The following CACNA2D3 variants were observed in gnomAD, a reference collection of about 807,000 sequenced individuals.
CACNA2D3 encodes calcium voltage-gated channel auxiliary subunit alpha2delta 3.
In CACNA2D3, 60 loss-of-function variants were observed where a neutral mutation model predicts 160.6. The ratio of observed to expected loss-of-function variants is 0.37; its 90% CI spans 0.30 to 0.46. CACNA2D3 has a LOEUF of 0.46. Ranked by LOEUF, CACNA2D3 falls within the 20% of genes least tolerant of loss-of-function variation. The pLI, the probability that CACNA2D3 is intolerant of heterozygous loss-of-function variation, is 1.00. For missense variants in CACNA2D3, 1,205 were observed against 1,365.0 expected, an observed-to-expected ratio of 0.88 and a Z score of 1.85; for synonymous variants, 558 against 492.9, an observed-to-expected ratio of 1.13 and a Z score of -1.75.
At chr3:54,377,887 A>G (rs370429668) in intron 3 of CACNA2D3, among the ~76,000 whole-genome samples, 1 of 152,220 alleles carries the variant, frequency 6.6e-6, no homozygotes, top group Non-Finnish European at 1.5e-5. Context: ...ACAACCAGGA[A>G]TGGAAACTCT....
chr3:54,724,565 A>G (rs918035257), intron 11 of CACNA2D3, among the ~76,000 whole-genome samples: 1 of 152,192 alleles, frequency 6.6e-6, no homozygotes, highest in Non-Finnish European at 1.5e-5. Context: ...AATAACAAAC[A>G]GTCTCTCAGA....
chr3:54,993,229 G>A (rs1040941105), intron 31 of CACNA2D3, among the ~76,000 whole-genome samples: 3 of 152,228 alleles, frequency 2.0e-5, no homozygotes, highest in South Asian at 2.1e-4. Context: ...ACTGATGCTA[G>A]GGCAAAACAC....
chr3:54,963,587 A>G (rs1165866699), intron 27 of CACNA2D3, among the ~76,000 whole-genome samples: 1 of 152,224 alleles, frequency 6.6e-6, no homozygotes, highest in Non-Finnish European at 1.5e-5. Flanking sequence ...GGATCAGAGC[A>G]TTCAAGGTCA....
chr3:54,740,402 C>T (rs975964902), intron 11 of CACNA2D3, among the ~76,000 whole-genome samples: 1 of 152,138 alleles, frequency 6.6e-6, no homozygotes, highest in Non-Finnish European at 1.5e-5. Context: ...GGCTACTGCT[C>T]ACTGAAGTCC....
At chr3:54,400,144 C>T (rs567040453) in intron 4 of CACNA2D3, among the ~76,000 whole-genome samples, 12 of 145,886 alleles carry the variant, frequency 8.2e-5, no homozygotes, top group African/African-American at 1.5e-4. Context: ...GGCAATGCCT[C>T]GCCCTGCTTC....
chr3:54,712,867 C>T (rs1447212953), intron 11 of CACNA2D3, among the ~76,000 whole-genome samples: 2 of 152,194 alleles, frequency 1.3e-5, no homozygotes, highest in African/African-American at 4.8e-5. Context: ...TGCATTGGTC[C>T]CATGGGATAA....
chr3:54,784,751 C>T (rs543716700), intron 13 of CACNA2D3, among the ~76,000 whole-genome samples: 2 of 152,262 alleles, frequency 1.3e-5, no homozygotes, highest in Admixed American at 1.3e-4. Context: ...GAAGAGGGAG[C>T]AGCAGACTTC....
chr3:54,579,858 A>G lies in CACNA2D3; in HGVS notation c.889-1945A>G, dbSNP rs192842186. Reference sequence around the variant, plus strand: ...TTTGTCAGTGGCTAATGTCATAAATATATTTTTTCTCCATGCCTTGTTAGA... The same window carrying G: ...TTTGTCAGTGGCTAATGTCATAAATGTATTTTTTCTCCATGCCTTGTTAGA... On this transcript the variant is annotated intron_variant, in intron 8 of 37. Transcript: ENST00000474759. Among the ~76,000 whole-genome samples, 3 of 152,314 alleles carry G rather than the reference A, an allele frequency of 2.0e-5. No individual in the cohort carries two copies. The East Asian group carries it at 5.8e-4, about 29-fold the overall frequency.
chr3:54,578,370 C>T (rs1434996681), intron 8 of CACNA2D3, among the ~76,000 whole-genome samples: 1 of 152,194 alleles, frequency 6.6e-6, no homozygotes, highest in East Asian at 1.9e-4. Flanking sequence ...TCTACAACAT[C>T]GTTTCACAAA....
At chr3:54,638,703 T>C (rs917685261) in intron 10 of CACNA2D3, 4 of 152,066 alleles carry the variant, frequency 2.6e-5, no homozygotes, top group African/African-American at 7.3e-5. Context: ...TGTAAAAGAA[T>C]GCCTGGACGT....
intron 27 of CACNA2D3, among the ~76,000 whole-genome samples, chr3:54,917,724 GC>G (rs1700697211): frequency 6.6e-6 from 1 of 151,996 alleles, no homozygotes; most frequent in African/African-American, 2.4e-5. Flanking sequence ...CCAAATTCTG[GC>G]TCCCCATCCT....
chr3:54,476,213 A>C (rs1396404520), intron 4 of CACNA2D3, among the ~76,000 whole-genome samples: 1 of 148,718 alleles, frequency 6.7e-6, no homozygotes, highest in East Asian at 2.0e-4. Flanking sequence ...ATATATATGA[A>C]TATTATATTA....
At chr3:54,716,453 C>A (rs1361042646) in intron 11 of CACNA2D3, among the ~76,000 whole-genome samples, 2 of 152,028 alleles carry the variant, frequency 1.3e-5, no homozygotes, top group Admixed American at 6.6e-5. Flanking sequence ...CCATATGTTG[C>A]GTGTGAAAAG....
intron 27 of CACNA2D3, among the ~76,000 whole-genome samples, chr3:54,961,354 G>A (rs1034248728): frequency 6.6e-6 from 1 of 152,154 alleles, no homozygotes; most frequent in Non-Finnish European, 1.5e-5. Context: ...GTACAATTTG[G>A]GTTTTGGGAA....
intron 3 of CACNA2D3, among the ~76,000 whole-genome samples, chr3:54,324,347 G>T (rs939444047): frequency 4.6e-5 from 7 of 152,156 alleles, no homozygotes; most frequent in African/African-American, 1.4e-4. Flanking sequence ...CTCCCCGTCA[G>T]ATGTCTGAAG....
intron 2 of CACNA2D3, among the ~76,000 whole-genome samples, chr3:54,316,807 T>C (rs4928039): frequency 6.6e-6 from 1 of 152,166 alleles, no homozygotes; most frequent in Non-Finnish European, 1.5e-5. Flanking sequence ...AAGTTAGAGT[T>C]CAATAAATCG....
At chr3:54,465,826 TG>T (rs1294866846) in intron 4 of CACNA2D3, among the ~76,000 whole-genome samples, 3 of 152,242 alleles carry the variant, frequency 2.0e-5, no homozygotes, top group African/African-American at 7.2e-5. Flanking sequence ...TGGGTGGGCT[TG>T]GCTGATTTTT....
chr3:54,879,038 T>C lies in CACNA2D3; in HGVS notation c.1731T>C (p.Asn577=), dbSNP rs372618589. Residue 577 remains asparagine, a synonymous_variant, in exon 19 of 38, where the codon AAT becomes AAC. Transcript: ENST00000474759. The part of the protein sequence containing the change: ...RDDVLRNAMV[N]RKTGKFSMEV... ...TTTAGTTGAGAAATGCTATGGTGAA[T>C]CGAAAGACGGGGAAGTTTTCCATGG... is the stretch of plus-strand genomic sequence containing the variant. The C allele has an allele frequency of 6.2e-7, 1 of 1,605,334 alleles. No individual in the cohort carries two copies. Among genetic ancestry groups the C allele is most frequent in the African/African-American group, 1.3e-5 (1 of 74,456 alleles).
At chr3:54,727,295 T>C (rs1176255220) in intron 11 of CACNA2D3, among the ~76,000 whole-genome samples, 1 of 152,244 alleles carries the variant, frequency 6.6e-6, no homozygotes, top group Non-Finnish European at 1.5e-5. Context: ...AGGAACGCTC[T>C]TACACTGTTG....
Sources: gnomAD v4.1 joint callset for allele counts (sites outside exome capture counted in the v4.1 genomes callset) on GRCh38, gnomAD v4.1.1 for gene constraint, MANE v1.5 for transcripts, NCBI Gene and HGNC (gene_info 2026-07-23, HGNC 2026-07-21) for gene names.